The following TRIM35 variants were observed in gnomAD, a reference collection of about 807,000 sequenced individuals.
TRIM35 encodes the protein tripartite motif containing 35.
Under a neutral mutation model 49.1 loss-of-function variants are expected in TRIM35, and 37 were observed. That is an observed-to-expected ratio of 0.75 (90% CI 0.58 to 0.99). The LOEUF (loss-of-function observed/expected upper bound fraction) is 0.99, where lower values mean the gene tolerates loss of function less well. TRIM35 is among the 50% of genes least tolerant of loss of function. TRIM35 has a pLI of 0.00. For synonymous variants in TRIM35, 302 were observed against 289.3 expected (o/e 1.04, Z -0.45); for missense variants, 648 against 702.7 (o/e 0.92, Z 0.88).
At position 27,291,058 on chromosome 8, in the gene TRIM35, C is replaced by CAAAAA. The variant is rs56953962; in HGVS notation, c.763-885_763-881dup. Among the ~76,000 whole-genome samples, 28 of 50,532 alleles carry CAAAAA rather than the reference C, an allele frequency of 5.5e-4. 1 individual carries two copies. Among genetic ancestry groups the CAAAAA allele is most frequent in the East Asian group, 1.3e-3 (2 of 1,574 alleles). The allele number at this position is 50,532 out of a possible 152,430, so 33.2% of individuals were successfully genotyped here. A position where few individuals can be genotyped will look rare whatever the true frequency, so the allele number is the denominator to read the frequency against. ...ACTGGGAAAACTGTATGTTGACATG[C>CAAAAA]AAAAAAAAAAAAAAAAAAAAAGTGA... On this transcript the variant is annotated intron_variant, in intron 3 of 5. Transcript: ENST00000305364.
At chr8:27,291,891 C>T (rs933634415) in intron 3 of TRIM35, among the ~76,000 whole-genome samples, 1 of 152,062 alleles carries the variant, frequency 6.6e-6, no homozygotes. Context: ...TATAACAAGC[C>T]CACTCTCTCA....
chr8:27,310,832 TGC>T lies in TRIM35; in HGVS notation c.402_403del (p.Gln135AlafsTer35). 2 of 1,606,636 alleles carry T rather than the reference TGC, an allele frequency of 1.2e-6. No individual in the cohort carries two copies. Among genetic ancestry groups the T allele is most frequent in the Non-Finnish European group, 1.7e-6 (2 of 1,175,368 alleles). On this transcript the variant is annotated frameshift_variant, in exon 1 of 6. Transcript: ENST00000305364. LOFTEE classifies it high-confidence loss of function. Reference sequence around the variant, plus strand: ...GTCGTGGGCAGTGTCCTTCACCGGCTGCACGCGGTGCCCCTGGTGTCGGGGGT... The same window carrying T: ...GTCGTGGGCAGTGTCCTTCACCGGCTACGCGGTGCCCCTGGTGTCGGGGGT...
chr8:27,311,253 C>T lies in TRIM35; in HGVS notation c.-18G>A. ...CGCTCCATGGCACGAGCAGCCGGCT[C>T]GGGCGCCCGGAACTTTTGCTCCGGC... On this transcript the variant is annotated 5_prime_UTR_variant, in exon 1 of 6. Coordinates refer to ENST00000305364, the MANE Select transcript of TRIM35 (RefSeq NM_171982.5). 1.3e-6 allele frequency: 2 copies of T among 1,485,358 alleles called. No individual in the cohort carries two copies. Among genetic ancestry groups the T allele is most frequent in the East Asian group, 2.4e-5 (1 of 41,784 alleles). 92.0% of individuals were successfully genotyped at this position (1,485,358 alleles called of 1,614,324 possible). A position where few individuals can be genotyped will look rare whatever the true frequency, so the allele number is the denominator to read the frequency against.
chr8:27,288,164 T>C (rs774641067), intron 5 of TRIM35, 37 bp from the exon 6 acceptor site: 23 of 1,566,106 alleles, frequency 1.5e-5, no homozygotes, highest in Non-Finnish European at 1.9e-5. Flanking sequence ...TCAGCAAACC[T>C]GAGGTCCCTT....
chr8:27,308,769 T>TCAGC (rs1266824659), intron 1 of TRIM35, among the ~76,000 whole-genome samples: 1 of 152,224 alleles, frequency 6.6e-6, no homozygotes, highest in Non-Finnish European at 1.5e-5. Context: ...ACTAGACTAC[T>TCAGC]CAGCCCCTGA....
At position 27,286,421 on chromosome 8, in the gene TRIM35, A is replaced by C. The variant is rs1802320806; in HGVS notation, c.*1129T>G. 1 of 297,292 alleles carries C rather than the reference A, an allele frequency of 3.4e-6. No individual in the cohort carries two copies. Among genetic ancestry groups the C allele is most frequent in the Non-Finnish European group, 6.7e-6 (1 of 149,582 alleles). 18.4% of individuals were successfully genotyped at this position (297,292 alleles called of 1,614,324 possible). The stretch of plus-strand genomic sequence containing the variant: ...ACCCCTCTCCTTTCTTCCCAACTGA[A>C]AAGGGTGCCCTCTTTCCTTCTTTTC... On this transcript the variant is annotated 3_prime_UTR_variant, in exon 6 of 6. Transcript: ENST00000305364.
chr8:27,311,265 A>T lies in TRIM35; in HGVS notation c.-30T>A, dbSNP rs1425301599. 1 of 1,472,264 alleles carries T rather than the reference A, an allele frequency of 6.8e-7. No homozygotes were observed. Among genetic ancestry groups the T allele is most frequent in the Admixed American group, 2.5e-5 (1 of 40,534 alleles). The allele number at this position is 1,472,264 out of a possible 1,614,324, so 91.2% of individuals were successfully genotyped here. A position where few individuals can be genotyped will look rare whatever the true frequency, so the allele number is the denominator to read the frequency against. ...CGAGCAGCCGGCTCGGGCGCCCGGA[A>T]CTTTTGCTCCGGCCCCTCCCACCCG... On this transcript the variant is annotated 5_prime_UTR_variant, in exon 1 of 6. Coordinates refer to ENST00000305364, the MANE Select transcript of TRIM35 (RefSeq NM_171982.5).
chr8:27,291,441 C>T (rs756971750), intron 3 of TRIM35, among the ~76,000 whole-genome samples: 20 of 152,186 alleles, frequency 1.3e-4, no homozygotes, highest in Non-Finnish European at 2.6e-4. Context: ...AATCCACATA[C>T]ACTCCTGATG....
intron 2 of TRIM35, among the ~76,000 whole-genome samples, chr8:27,297,843 G>A (rs1563441430): frequency 6.6e-6 from 1 of 152,158 alleles, no homozygotes; most frequent in Non-Finnish European, 1.5e-5. Context: ...GGATAGGCAG[G>A]GTCAGGAGAT....
chr8:27,287,588 G>C lies in TRIM35; in HGVS notation c.1444C>G (p.Pro482Ala), dbSNP rs777090174. The C allele has an allele frequency of 6.2e-7, 1 of 1,601,960 alleles. No homozygotes were observed. The highest frequency in any genetic ancestry group is 8.5e-7 in the Non-Finnish European group (1 of 1,173,894). Residue 482 changes from proline (P) to alanine (A), a missense_variant, in exon 6 of 6, where the codon CCC becomes GCC. By Grantham distance (27) the Pro-to-Ala change is conservative (BLOSUM62 -1). Transcript: ENST00000305364. This position sits in a 1 kb window ranked among gnomAD's most constrained non-coding sequence, Gnocchi z 6.0. Reference sequence around the variant, plus strand: ...TCTTCCTTGACACTGATGTGCAAGGGGCAGATGCGCAAAGGCTCTGGAGGC... The same window carrying C: ...TCTTCCTTGACACTGATGTGCAAGGCGCAGATGCGCAAAGGCTCTGGAGGC... ...AGPPEPLRICPLHISVKEELD... is the reference protein window; with the variant it reads ...AGPPEPLRICALHISVKEELD...
chr8:27,294,897 C>A (rs953848333), intron 2 of TRIM35, among the ~76,000 whole-genome samples: 5 of 152,018 alleles, frequency 3.3e-5, no homozygotes, highest in African/African-American at 1.2e-4. Context: ...TCTTGGCTCA[C>A]TGCAACCTCT....
At chr8:27,288,756 C>T (rs1408974809) in intron 5 of TRIM35, among the ~76,000 whole-genome samples, 4 of 152,200 alleles carry the variant, frequency 2.6e-5, no homozygotes, top group Admixed American at 6.5e-5. Flanking sequence ...ACAGCACGGC[C>T]CATTCCCTGA....
chr8:27,308,627 G>A lies in TRIM35; in HGVS notation c.435+2174C>T, dbSNP rs190828183. Among the ~76,000 whole-genome samples, 391 of 152,232 alleles carry A rather than the reference G, an allele frequency of 2.6e-3. 3 individuals are homozygous for A. The highest frequency in any genetic ancestry group is 4.9e-3 in the Non-Finnish European group (332 of 68,026). On this transcript the variant is annotated intron_variant, in intron 1 of 5. Coordinates refer to ENST00000305364, the MANE Select transcript of TRIM35 (RefSeq NM_171982.5). ...CTGTCTATGCCCCCTGCTCAAATGA[G>A]AATTCCATGAAGCTAAGAAGAGGCC...
chr8:27,297,426 C>T (rs1802591752), intron 2 of TRIM35, among the ~76,000 whole-genome samples: 1 of 152,208 alleles, frequency 6.6e-6, no homozygotes, highest in Non-Finnish European at 1.5e-5. Context: ...GGCAGAACAA[C>T]CAGAATGGGG....
intron 2 of TRIM35, among the ~76,000 whole-genome samples, chr8:27,296,991 C>T (rs942458828): frequency 6.6e-6 from 1 of 152,110 alleles, no homozygotes; most frequent in Non-Finnish European, 1.5e-5. Context: ...GGGAATTGCC[C>T]TCTTTTTACA....
rs137984197 is a variant in TRIM35 at position 27,298,675 on chromosome 8, C to T, written c.436-116G>A. ...CCACTTCAACACAAGTGTAACTCAA[C>T]TGCATTTGCCTAACCCCATCCATGC... On this transcript the variant is annotated intron_variant, in intron 1 of 5. Transcript: ENST00000305364. The T allele has an allele frequency of 6.7e-4, 546 of 815,496 alleles. No homozygotes were observed. The African/African-American group carries it at 8.2e-3, about 12-fold the overall frequency. 50.5% of individuals were successfully genotyped at this position (815,496 alleles called of 1,614,324 possible). A position where few individuals can be genotyped will look rare whatever the true frequency, so the allele number is the denominator to read the frequency against.
Position 27,285,918 on chromosome 8 carries a change from C to T in TRIM35, c.*1632G>A, listed in dbSNP as rs1013890113. On this transcript the variant is annotated 3_prime_UTR_variant, in exon 6 of 6. Transcript: ENST00000305364. ...ATGCACTGGTTTGCCAACATCCTCA[C>T]CACGCCCAATCCAGCCCCTTCACAC... 1.2e-5 allele frequency: 4 copies of T among 342,906 alleles called. No individual in the cohort carries two copies. Among genetic ancestry groups the T allele is most frequent in the East Asian group, 7.6e-5 (1 of 13,116 alleles). 21.2% of individuals were successfully genotyped at this position (342,906 alleles called of 1,614,324 possible). A position where few individuals can be genotyped will look rare whatever the true frequency, so the allele number is the denominator to read the frequency against.
In TRIM35 at chr8:27,311,087, T is replaced by A; in HGVS notation, c.149A>T (p.Glu50Val). 1 of 1,597,288 alleles carries A rather than the reference T, an allele frequency of 6.3e-7. No homozygotes were observed. Among genetic ancestry groups the A allele is most frequent in the Non-Finnish European group, 8.5e-7 (1 of 1,172,900 alleles). ...FCRGCVSRCWEVQVSPTCPVC... is the reference protein window; with the variant it reads ...FCRGCVSRCWVVQVSPTCPVC... ...TGGGCAGGTGGGCGACACCTGCACC[T>A]CCCAGCAGCGGCTCACGCACCCGCG... The change falls in exon 1 of 6, where the codon GAG (glutamate) becomes GTG (valine). Residue 50 changes from glutamate (E) to valine (V), a missense_variant. Transcript: ENST00000305364.
intron 1 of TRIM35, among the ~76,000 whole-genome samples, chr8:27,300,462 G>A (rs952515824): frequency 4.6e-5 from 7 of 152,054 alleles, no homozygotes; most frequent in Middle Eastern, 3.4e-3. Context: ...GACACCTTGA[G>A]GCAGAGGCAC....
Sources: gnomAD v4.1 joint callset for allele counts (sites outside exome capture counted in the v4.1 genomes callset) on GRCh38, gnomAD v4.1.1 for gene constraint, Gnocchi (gnomAD v3.1) non-coding constraint, MANE v1.5 for transcripts, NCBI Gene and HGNC (gene_info 2026-07-23, HGNC 2026-07-21) for gene names.